CRYBG1: variants seen among roughly 807,000 people sequenced by gnomAD.
CRYBG1 encodes the protein crystallin beta-gamma domain containing 1, also known as beta/gamma crystallin domain-containing protein 1.
In CRYBG1, 139 loss-of-function variants were observed where a neutral mutation model predicts 189.2. The ratio of observed to expected loss-of-function variants is 0.73; its 90% CI spans 0.64 to 0.85. The LOEUF (loss-of-function observed/expected upper bound fraction) is 0.85, where lower values mean the gene tolerates loss of function less well. Among genes scored for constraint, CRYBG1 ranks in the 40% least tolerant of loss-of-function variants. The pLI, the probability that CRYBG1 is intolerant of heterozygous loss-of-function variation, is 0.00. For synonymous variants in CRYBG1, 1,023 were observed against 1,017.1 expected, an observed-to-expected ratio of 1.01 and a Z score of -0.11; for missense variants, 2,611 against 2,675.8, an observed-to-expected ratio of 0.98 and a Z score of 0.53.
At chr6:106,394,802 G>A (rs1380775358) in intron 1 of CRYBG1, among the ~76,000 whole-genome samples, 1 of 151,636 alleles carries the variant, frequency 6.6e-6, no homozygotes, top group Non-Finnish European at 1.5e-5. Flanking sequence ...TCCTTTAGTA[G>A]GTAGTGCAGT....
At chr6:106,552,094 G>A (rs1046354195) in intron 14 of CRYBG1, 90 bp from the exon 15 acceptor site, 11 of 1,429,654 alleles carry the variant, frequency 7.7e-6, no homozygotes, top group Non-Finnish European at 1.1e-5. Flanking sequence ...TTTATTTTTA[G>A]CAGTAATTGC....
At chr6:106,533,865 G>C (rs181415048) in intron 8 of CRYBG1, among the ~76,000 whole-genome samples, 1 of 152,178 alleles carries the variant, frequency 6.6e-6, no homozygotes, top group Non-Finnish European at 1.5e-5. Context: ...GGAGAGGCTG[G>C]AGGCATAAAT....
At position 106,561,434 on chromosome 6, in the gene CRYBG1, G is replaced by A; in HGVS notation, c.6072G>A (p.Gln2024=). ...NLEDLKLLRI[Q]VMEDVGADDQ... ...AGGATCTGAAGCTTCTGAGGATACA[G>A]GTCATGGAGGATGTCGGGGCCGATG... Residue 2024 remains glutamine (Q), a synonymous_variant, in exon 20 of 22, where the codon CAG becomes CAA. Transcript: ENST00000633556. The A allele has an allele frequency of 6.2e-7, 1 of 1,614,188 alleles. No individual in the cohort carries two copies. The highest frequency in any genetic ancestry group is 1.1e-5 in the South Asian group (1 of 91,084).
intron 4 of CRYBG1, among the ~76,000 whole-genome samples, chr6:106,524,274 G>A (rs541147399): frequency 4.6e-5 from 7 of 152,182 alleles, no homozygotes; most frequent in East Asian, 1.9e-4. Context: ...TCAAAAAAGC[G>A]GGATTAGGCC....
At chr6:106,390,977 T>C (rs962225166) in intron 1 of CRYBG1, among the ~76,000 whole-genome samples, 1 of 152,228 alleles carries the variant, frequency 6.6e-6, no homozygotes, top group Non-Finnish European at 1.5e-5. Context: ...AACATATGCT[T>C]CATTTAGTAC....
At chr6:106,470,722 C>T (rs1772216584) in intron 2 of CRYBG1, among the ~76,000 whole-genome samples, 1 of 152,198 alleles carries the variant, frequency 6.6e-6, no homozygotes, top group South Asian at 2.1e-4. Flanking sequence ...ATGCCCTGTG[C>T]TCTAACACAG....
At chr6:106,447,547 AAT>A (rs59943398) in intron 1 of CRYBG1, among the ~76,000 whole-genome samples, 40,198 of 140,790 alleles carry the variant, frequency 0.29, 5,996 homozygotes, top group Non-Finnish European at 0.36. Flanking sequence ...GTACCTCATA[AAT>A]ATATATATAT....
intron 13 of CRYBG1, among the ~76,000 whole-genome samples, chr6:106,551,523 G>T (rs534791226): frequency 6.6e-6 from 1 of 152,184 alleles, no homozygotes; most frequent in African/African-American, 2.4e-5. Flanking sequence ...TTTTCCCCTG[G>T]GTATATCCCA....
intron 9 of CRYBG1, among the ~76,000 whole-genome samples, chr6:106,540,796 T>TA (rs1191631072): frequency 6.6e-6 from 1 of 152,100 alleles, no homozygotes; most frequent in Non-Finnish European, 1.5e-5. Flanking sequence ...TACTTTTTTT[T>TA]AAAAAGCTAT....
chr6:106,419,492 C>T (rs1156309070), intron 1 of CRYBG1, among the ~76,000 whole-genome samples: 1 of 152,178 alleles, frequency 6.6e-6, no homozygotes, highest in African/African-American at 2.4e-5. Context: ...AAGCAGTCTT[C>T]CTACCTCAGC....
At chr6:106,478,610 A>G (rs1421778494) in intron 2 of CRYBG1, among the ~76,000 whole-genome samples, 5 of 152,184 alleles carry the variant, frequency 3.3e-5, no homozygotes, top group Non-Finnish European at 7.3e-5. Flanking sequence ...TTGAAAACCA[A>G]CCACAGAGCC....
At chr6:106,497,807 G>A (rs1772887446) in intron 2 of CRYBG1, among the ~76,000 whole-genome samples, 1 of 152,196 alleles carries the variant, frequency 6.6e-6, no homozygotes. Context: ...ACTGTCAGCT[G>A]AGGCTGGGCG....
intron 1 of CRYBG1, among the ~76,000 whole-genome samples, chr6:106,433,333 C>G (rs1175817921): frequency 3.3e-5 from 5 of 152,138 alleles, no homozygotes; most frequent in African/African-American, 1.2e-4. Context: ...TCTGGTCAAA[C>G]TGGAGGAGAA....
At chr6:106,410,674 C>T (rs750943336) in intron 1 of CRYBG1, among the ~76,000 whole-genome samples, 19 of 152,130 alleles carry the variant, frequency 1.2e-4, no homozygotes, top group Non-Finnish European at 2.2e-4. Context: ...ACATATACAC[C>T]ATGAATACTA....
intron 1 of CRYBG1, among the ~76,000 whole-genome samples, chr6:106,375,998 TTCTC>T (rs201451043): frequency 6.6e-6 from 1 of 152,048 alleles, no homozygotes. Flanking sequence ...AATATGGTAT[TTCTC>T]TCTCTCTCTG....
chr6:106,432,584 G>A (rs1312079023), intron 1 of CRYBG1, among the ~76,000 whole-genome samples: 1 of 152,110 alleles, frequency 6.6e-6, no homozygotes, highest in Non-Finnish European at 1.5e-5. Context: ...GAGAGTTAAG[G>A]GTGCAAATCT....
intron 1 of CRYBG1, among the ~76,000 whole-genome samples, chr6:106,423,706 T>C (rs1771174520): frequency 1.5e-5 from 2 of 136,454 alleles, no homozygotes; most frequent in African/African-American, 5.6e-5. Context: ...TTTTTTTTTT[T>C]TTTTTTTTTT....
chr6:106,549,917 G>A (rs1278594720), intron 13 of CRYBG1, among the ~76,000 whole-genome samples: 1 of 152,160 alleles, frequency 6.6e-6, no homozygotes, highest in Non-Finnish European at 1.5e-5. Flanking sequence ...TTTAGGCATG[G>A]TTTACTAGAA....
intron 1 of CRYBG1, among the ~76,000 whole-genome samples, chr6:106,448,739 C>A (rs1472203800): frequency 6.6e-6 from 1 of 152,238 alleles, no homozygotes. Flanking sequence ...TCTCCCTTCT[C>A]CTTTTTTCCT....
Sources: allele counts gnomAD v4.1 joint callset (sites outside exome capture counted in the v4.1 genomes callset), GRCh38; gene constraint gnomAD v4.1.1; transcripts MANE v1.5; gene names NCBI Gene and HGNC (gene_info 2026-07-23, HGNC 2026-07-21).